The following GSR variants were observed in gnomAD, a reference collection of about 807,000 sequenced individuals.
GSR encodes the protein glutathione reductase, mitochondrial.
A neutral mutation model predicts 56.5 loss-of-function variants in GSR; 48 were observed. The observed-to-expected ratio is 0.85, with a 90% CI of 0.67 to 1.08. The LOEUF is 1.08. Ranked by LOEUF, GSR falls within the 50% of genes least tolerant of loss-of-function variation. The pLI is 0.00. For synonymous variants in GSR, 264 were observed against 270.8 expected (o/e 0.97, Z 0.25); for missense variants, 694 against 703.3 (o/e 0.99, Z 0.15).
chr8:30,691,866 A>T (rs2128741017), intron 8 of GSR, among the ~76,000 whole-genome samples: 1 of 152,140 alleles, frequency 6.6e-6, no homozygotes, highest in Non-Finnish European at 1.5e-5. Flanking sequence ...TGGGAGGCCA[A>T]GGTGGGCAGA....
intron 9 of GSR, among the ~76,000 whole-genome samples, chr8:30,687,283 A>G (rs113042207): frequency 1.3e-5 from 2 of 152,352 alleles, no homozygotes; most frequent in African/African-American, 4.8e-5. Context: ...AGGAATCCAC[A>G]TTACAACAGG....
chr8:30,727,765 C>A lies in GSR; in HGVS notation c.71G>T (p.Arg24Leu). Reference protein sequence around the residue: ...PSWRRAARAFRGFLLLLPEPA... With the variant: ...PSWRRAARAFLGFLLLLPEPA... The stretch of plus-strand genomic sequence containing the variant: ...CTCGGGCAGAAGCAGCAGGAAGCCT[C>A]GGAAGGCGCGCGCCGCCCGCCGCCA... Residue 24 changes from arginine to leucine, a missense_variant, in exon 1 of 13, where the codon CGA (arginine) becomes CTA (leucine). Arg to Leu is a moderately radical substitution (Grantham distance 102). Transcript: ENST00000221130. 7.3e-7 allele frequency: 1 copy of A among 1,371,796 alleles called. No individual in the cohort carries two copies. The highest frequency in any genetic ancestry group is 1.7e-5 in the South Asian group (1 of 60,232). 85.0% of individuals were successfully genotyped at this position (1,371,796 alleles called of 1,614,324 possible).
chr8:30,687,551 G>C (rs1209518531), intron 9 of GSR: 1 of 152,166 alleles, frequency 6.6e-6, no homozygotes, highest in Non-Finnish European at 1.5e-5. Context: ...GGGAGGCTGA[G>C]GTAGGCGAAT....
chr8:30,680,301 T>C (rs1369830422), intron 12 of GSR, among the ~76,000 whole-genome samples: 1 of 150,772 alleles, frequency 6.6e-6, no homozygotes, highest in Non-Finnish European at 1.5e-5. Context: ...ACTCCTGAGC[T>C]CAGGCAATCC....
rs779656226 is a variant in GSR, at chr8:30,681,013, A to T, written c.1310T>A (p.Ile437Lys). 6.2e-7 allele frequency: 1 copy of T among 1,610,768 alleles called. No homozygotes were observed. ...TEDEAIHKYG[I>K]ENVKTYSTSF... Reference sequence around the variant, plus strand: ...CGTTGAATAGGTCTTCACATTTTCTATTCCATATTTATGAATGGCTTCATC... The same window carrying T: ...CGTTGAATAGGTCTTCACATTTTCTTTTCCATATTTATGAATGGCTTCATC... The change falls in exon 12 of 13, where the codon ATA (isoleucine) becomes AAA (lysine). Residue 437 changes from isoleucine to lysine, a missense_variant. Ile to Lys is a moderately radical substitution (Grantham distance 102, BLOSUM62 -3). Transcript: ENST00000221130.
intron 11 of GSR, among the ~76,000 whole-genome samples, chr8:30,681,333 C>A (rs563559457): frequency 6.6e-6 from 1 of 152,148 alleles, no homozygotes; most frequent in Non-Finnish European, 1.5e-5. Flanking sequence ...AGATTGAGAC[C>A]AGCCTGGGCA....
At chr8:30,680,677 G>A (rs1399750401) in intron 12 of GSR, among the ~76,000 whole-genome samples, 6 of 152,130 alleles carry the variant, frequency 3.9e-5, no homozygotes, top group Non-Finnish European at 4.4e-5. Context: ...TTACAGGTGT[G>A]AGCCACCACG....
Position 30,703,127 on chromosome 8 carries a change from A to T in GSR, c.606T>A (p.Gly202=). 1 of 1,614,068 alleles carries T rather than the reference A, an allele frequency of 6.2e-7. No homozygotes were observed. Among genetic ancestry groups the T allele is most frequent in the Non-Finnish European group, 8.5e-7 (1 of 1,179,960 alleles). The change falls in exon 5 of 13, where the codon GGT becomes GGA. Residue 202 remains glycine (G), a synonymous_variant. Transcript: ENST00000221130. ...TAPHILIATG[G]MPSTPHESQI... ...GGCTCTCATGAGGGGTGGAGGGCAT[A>T]CCACCTGTGGCGATCAGGATGTGTG...
At chr8:30,681,828 G>C in intron 11 of GSR, 102 bp downstream of exon 11, 1 of 1,083,600 alleles carries the variant, frequency 9.2e-7, no homozygotes, top group Non-Finnish European at 1.4e-6. Flanking sequence ...TGTAATCTGG[G>C]GCTGAGATAG....
chr8:30,707,487 A>G (rs1803954853), intron 4 of GSR, among the ~76,000 whole-genome samples: 1 of 152,112 alleles, frequency 6.6e-6, no homozygotes, highest in Non-Finnish European at 1.5e-5. Context: ...CACAGTGAGA[A>G]ATCTCTACAA....
At chr8:30,684,414 A>G (rs8191023) in intron 9 of GSR, among the ~76,000 whole-genome samples, 1,577 of 152,250 alleles carry the variant, frequency 0.01, 31 homozygotes, top group African/African-American at 0.035. Context: ...AACTTTGAGA[A>G]GCCGAAGAGG....
Position 30,727,579 on chromosome 8 carries a change from A to G in GSR, c.257T>C (p.Leu86Pro). ...GLASARRAAE[L>P]GARAAVVESH... ...CTCCACCACGGCGGCCCTGGCACCCAGCTCGGCCGCCCTGCGCGCGCTGGC... is the reference window on the plus strand; with the variant it reads ...CTCCACCACGGCGGCCCTGGCACCCGGCTCGGCCGCCCTGCGCGCGCTGGC... The change falls in exon 1 of 13, where the codon CTG becomes CCG. Residue 86 changes from leucine (L) to proline (P), a missense_variant. Transcript: ENST00000221130. The G allele has an allele frequency of 6.5e-7, 1 of 1,532,660 alleles. No homozygotes were observed. The highest frequency in any genetic ancestry group is 8.7e-7 in the Non-Finnish European group (1 of 1,144,112). 94.9% of individuals were successfully genotyped at this position (1,532,660 alleles called of 1,614,324 possible).
At chr8:30,705,862 G>A (rs1442407905) in intron 4 of GSR, among the ~76,000 whole-genome samples, 1 of 152,144 alleles carries the variant, frequency 6.6e-6, no homozygotes, top group Non-Finnish European at 1.5e-5. Context: ...CTGGATTGAG[G>A]ATTAAGGTTG....
intron 1 of GSR, among the ~76,000 whole-genome samples, chr8:30,719,176 G>A (rs928308829): frequency 3.4e-5 from 5 of 148,474 alleles, no homozygotes; most frequent in Admixed American, 6.8e-5. Flanking sequence ...GTGCGATCTC[G>A]GCTCACTGCA....
Position 30,708,224 on chromosome 8 carries a change from C to A in GSR, c.423-83G>T, listed in dbSNP as rs112555861. ...CTAAGGCATCTGTCCCTGAACACCC[C>A]GAGCAGAGAATCACTGACTGTCAAC... On this transcript the variant is annotated intron_variant, in intron 3 of 12. Coordinates refer to ENST00000221130, the MANE Select transcript of GSR (RefSeq NM_000637.5). 4.1e-6 allele frequency: 4 copies of A among 972,138 alleles called. No homozygotes were observed. In the African/African-American group the frequency reaches 6.4e-5, roughly 15 times the overall value. 60.2% of individuals were successfully genotyped at this position (972,138 alleles called of 1,614,324 possible).
At chr8:30,726,443 C>T (rs1804726231) in intron 1 of GSR, among the ~76,000 whole-genome samples, 1 of 152,128 alleles carries the variant, frequency 6.6e-6, no homozygotes, top group African/African-American at 2.4e-5. Flanking sequence ...AAAGGGCGGG[C>T]ACACCAATAA....
chr8:30,722,193 CAAGGT>C (rs1804564514), intron 1 of GSR, among the ~76,000 whole-genome samples: 1 of 152,138 alleles, frequency 6.6e-6, no homozygotes, highest in Admixed American at 6.5e-5. Context: ...AAGCAGTCAA[CAAGGT>C]AAGTTAAAAG....
At chr8:30,712,714 A>G (rs978083179) in intron 1 of GSR, among the ~76,000 whole-genome samples, 2 of 152,202 alleles carry the variant, frequency 1.3e-5, no homozygotes, top group African/African-American at 2.4e-5. Context: ...AAGGCTGAAC[A>G]TTGAGATACT....
chr8:30,703,160 G>T lies in GSR; in HGVS notation c.573C>A (p.Tyr191Ter). The T allele has an allele frequency of 6.2e-7, 1 of 1,614,114 alleles. No individual in the cohort carries two copies. Among genetic ancestry groups the T allele is most frequent in the South Asian group, 1.1e-5 (1 of 91,080 alleles). ...TGGCGATCAGGATGTGTGGGGCGGT[G>T]TACTTTTTCCCACTGACCTCTATTG... Reference protein sequence around the residue: ...KPTIEVSGKKYTAPHILIATG... With the variant: ...KPTIEVSGKK Residue 191 changes from tyrosine (Y) to a stop codon, truncating the protein, a stop_gained, in exon 5 of 13, where the codon TAC (tyrosine) becomes TAA (stop). Coordinates refer to ENST00000221130, the MANE Select transcript of GSR (RefSeq NM_000637.5). LOFTEE classifies it high-confidence loss of function.
Sources: allele counts gnomAD v4.1 joint callset (sites outside exome capture counted in the v4.1 genomes callset), GRCh38; gene constraint gnomAD v4.1.1; transcripts MANE v1.5; gene names NCBI Gene and HGNC (gene_info 2026-07-23, HGNC 2026-07-21).